DENND4A: variants seen among roughly 807,000 people sequenced by gnomAD.
The protein encoded by DENND4A is C-myc promoter-binding protein.
In DENND4A, 70 loss-of-function variants were observed where a neutral mutation model predicts 199.3. The ratio of observed to expected loss-of-function variants is 0.35; its 90% confidence interval spans 0.29 to 0.43. DENND4A has a LOEUF of 0.43. DENND4A is among the 20% of genes least tolerant of loss of function. The pLI, the probability that DENND4A is intolerant of heterozygous loss-of-function variation, is 1.00. For missense variants in DENND4A, 1,723 were observed against 2,255.8 expected, an observed-to-expected ratio of 0.76 and a Z score of 4.78; for synonymous variants, 686 against 766.9, an observed-to-expected ratio of 0.89 and a Z score of 1.74.
intron 4 of DENND4A, among the ~76,000 whole-genome samples, chr15:65,745,972 A>C (rs2076377117): frequency 7.0e-6 from 1 of 142,446 alleles, no homozygotes. Flanking sequence ...CGTCTCTACC[A>C]AAAAAAAAAA....
At chr15:65,789,930 C>T (rs1355634799) in intron 1 of DENND4A, among the ~76,000 whole-genome samples, 2 of 152,132 alleles carry the variant, frequency 1.3e-5, no homozygotes, top group East Asian at 3.8e-4. Context: ...CCAAGGCGGG[C>T]AGATTGCTTG....
intron 1 of DENND4A, among the ~76,000 whole-genome samples, chr15:65,789,942 G>T (rs933112019): frequency 6.6e-6 from 1 of 152,140 alleles, no homozygotes; most frequent in African/African-American, 2.4e-5. Context: ...GATTGCTTGG[G>T]CTCACGAGTT....
intron 32 of DENND4A, among the ~76,000 whole-genome samples, chr15:65,663,194 A>ATTT (rs1416860613): frequency 3.1e-4 from 38 of 121,878 alleles, no homozygotes; most frequent in African/African-American, 1.2e-3. Context: ...ATATATATAT[A>ATTT]TATATTTTTT....
intron 5 of DENND4A, 85 bp from the exon 6 acceptor site, chr15:65,738,960 T>C: frequency 9.3e-7 from 1 of 1,071,516 alleles, no homozygotes; most frequent in South Asian, 2.0e-5. Context: ...GCTTTGTTAT[T>C]TCACACATTT....
intron 14 of DENND4A, among the ~76,000 whole-genome samples, chr15:65,710,073 G>A (rs2075200990): frequency 6.6e-6 from 1 of 151,938 alleles, no homozygotes; most frequent in African/African-American, 2.4e-5. Flanking sequence ...AACAACAGGT[G>A]GCCTACAGAA....
chr15:65,664,257 A>G, intron 32 of DENND4A, 73 bp downstream of exon 32: 4 of 828,654 alleles, frequency 4.8e-6, no homozygotes, highest in Non-Finnish European at 7.5e-6. Flanking sequence ...AAGTATAACT[A>G]CTAATATAAA....
intron 1 of DENND4A, chr15:65,772,043 C>T (rs570279598): frequency 1.5e-6 from 2 of 1,334,378 alleles, no homozygotes; most frequent in East Asian, 4.7e-5. Flanking sequence ...GCTTCTCGGC[C>T]TTCTGCAGGA....
rs1421624638 is a variant in DENND4A, at chr15:65,668,207, TCTC to T, written c.4788-87_4788-85del. ...ACAAGGATCATGTTCTCTCTCTCTC[TCTC>T]TTTTTTTTTTTTTTTTAAGACAGAG... On this transcript the variant is annotated intron_variant, in intron 27 of 32. Coordinates refer to ENST00000443035, the MANE Select transcript of DENND4A (RefSeq NM_001320835.1). 6.9e-5 allele frequency: 59 copies of T among 857,268 alleles called. 1 individual carries two copies. Among genetic ancestry groups the T allele is most frequent in the Middle Eastern group, 3.6e-4 (1 of 2,780 alleles). The allele number at this position is 857,268 out of a possible 1,614,324, so 53.1% of individuals were successfully genotyped here. A position where few individuals can be genotyped will look rare whatever the true frequency, so the allele number is the denominator to read the frequency against.
chr15:65,691,300 T>C lies in DENND4A; in HGVS notation c.3294A>G (p.Gly1098=), dbSNP rs1370927281. 1.2e-6 allele frequency: 2 copies of C among 1,613,326 alleles called. No individual in the cohort carries two copies. The highest frequency in any genetic ancestry group is 1.7e-6 in the Non-Finnish European group (2 of 1,179,716). ...CAGCTCCCAATTTTTCAACTATATC[T>C]CCAGGGGTTGCTTCCTGGTTAATTC... is the stretch of plus-strand genomic sequence containing the variant. ...LNRINQEATP[G]DIVEKLGADA... Residue 1098 remains glycine, a synonymous_variant, in exon 23 of 33, where the codon GGA becomes GGG. Coordinates refer to ENST00000443035, the MANE Select transcript of DENND4A (RefSeq NM_001320835.1).
intron 1 of DENND4A, among the ~76,000 whole-genome samples, chr15:65,770,141 A>G (rs954404259): frequency 1.3e-5 from 2 of 152,200 alleles, no homozygotes; most frequent in African/African-American, 4.8e-5. Flanking sequence ...CTCTGATCAG[A>G]TAAGTATACT....
rs1555425654 is a variant in DENND4A at position 65,720,947 on chromosome 15, T to TATTATATATATATA, written c.1588+1900_1588+1901insTATATATATATAAT. On this transcript the variant is annotated intron_variant, in intron 12 of 32. Transcript: ENST00000443035. ...AAAGTTGAATGGGCTGTTTCATTGA[T>TATTATATATATATA]TATATATATATATATATATATATAT... is the stretch of plus-strand genomic sequence containing the variant. Among the ~76,000 whole-genome samples, 174 of 76,160 alleles carry TATTATATATATATA rather than the reference T, an allele frequency of 2.3e-3. 1 individual carries two copies. Among genetic ancestry groups the TATTATATATATATA allele is most frequent in the Non-Finnish European group, 3.7e-3 (133 of 36,320 alleles). 50.0% of individuals were successfully genotyped at this position (76,160 alleles called of 152,430 possible).
chr15:65,692,448 A>G (rs2077005778), intron 22 of DENND4A, among the ~76,000 whole-genome samples: 1 of 152,192 alleles, frequency 6.6e-6, no homozygotes, highest in Non-Finnish European at 1.5e-5. Context: ...GTCTAGGTAT[A>G]GTATCATCAA....
rs1464096128 is a variant in DENND4A, at chr15:65,715,766, G to A, written c.1808-143C>T. 4 of 693,610 alleles carry A rather than the reference G, an allele frequency of 5.8e-6. No homozygotes were observed. In the East Asian group the frequency reaches 1.3e-4, roughly 22 times the overall value. The allele number at this position is 693,610 out of a possible 1,614,324, so 43.0% of individuals were successfully genotyped here. A position where few individuals can be genotyped will look rare whatever the true frequency, so the allele number is the denominator to read the frequency against. On this transcript the variant is annotated intron_variant, in intron 13 of 32. Coordinates refer to ENST00000443035, the MANE Select transcript of DENND4A (RefSeq NM_001320835.1). Reference sequence around the variant, plus strand: ...TTTCGCAAGTGCTGAGAGGGAAAATGACCTGACAAAGAAATAGGAGAATAG... The same window carrying A: ...TTTCGCAAGTGCTGAGAGGGAAAATAACCTGACAAAGAAATAGGAGAATAG...
chr15:65,737,202 A>G (rs1224285520), intron 7 of DENND4A, among the ~76,000 whole-genome samples: 1 of 152,084 alleles, frequency 6.6e-6, no homozygotes, highest in Non-Finnish European at 1.5e-5. Context: ...AGCTAGGACT[A>G]CAGGCATGGG....
At chr15:65,756,103 G>A (rs2076694752) in intron 3 of DENND4A, 37 bp downstream of exon 3, 2 of 1,501,084 alleles carry the variant, frequency 1.3e-6, no homozygotes, top group South Asian at 2.6e-5. Flanking sequence ...CATATTATTT[G>A]GATCAATAAC....
At position 65,738,147 on chromosome 15, in the gene DENND4A, GAAAGA is replaced by G. The variant is rs1431032992; in HGVS notation, c.802-207_802-203del. Among the ~76,000 whole-genome samples the G allele has an allele frequency of 5.3e-5, 8 of 152,228 alleles. No individual in the cohort carries two copies. The East Asian group carries it at 5.8e-4, about 11-fold the overall frequency. The stretch of plus-strand genomic sequence containing the variant: ...GCTATTCTCATGTTACCTTACTACT[GAAAGA>G]AAAGGTGTTTTGATTAAATTTATTT... On this transcript the variant is annotated intron_variant, in intron 6 of 32. Coordinates refer to ENST00000443035, the MANE Select transcript of DENND4A (RefSeq NM_001320835.1).
At chr15:65,775,637 CAAAAAA>C (rs59714693) in intron 1 of DENND4A, among the ~76,000 whole-genome samples, 2 of 27,680 alleles carry the variant, frequency 7.2e-5, no homozygotes, top group African/African-American at 1.3e-4. Flanking sequence ...CAAGACTCCT[CAAAAAA>C]AAAAAAAAAA....
chr15:65,702,281 T>C lies in DENND4A; in HGVS notation c.2430+24A>G, dbSNP rs1567022799. ...GAGACCCCATCTCAAAAAAATAAAA[T>C]AACAACAATAAAATAATTGTTACCT... On this transcript the variant is annotated intron_variant, in intron 17 of 32. Coordinates refer to ENST00000443035, the MANE Select transcript of DENND4A (RefSeq NM_001320835.1). 3.3e-6 allele frequency: 5 copies of C among 1,536,758 alleles called. 1 individual carries two copies. The highest frequency in any genetic ancestry group is 1.4e-5 in the African/African-American group (1 of 72,738).
intron 11 of DENND4A, among the ~76,000 whole-genome samples, chr15:65,724,941 G>C (rs1359407873): frequency 1.3e-5 from 2 of 152,066 alleles, no homozygotes; most frequent in African/African-American, 4.8e-5. Flanking sequence ...TTTATTCCCA[G>C]TGCCTAGCAA....
Sources: allele counts gnomAD v4.1 joint callset (sites outside exome capture counted in the v4.1 genomes callset), GRCh38; gene constraint gnomAD v4.1.1; transcripts MANE v1.5; gene names NCBI Gene and HGNC (gene_info 2026-07-23, HGNC 2026-07-21).